WWP1: variants seen among roughly 807,000 people sequenced by gnomAD.
WWP1 encodes NEDD4-like E3 ubiquitin-protein ligase WWP1.
A neutral mutation model predicts 130.6 loss-of-function variants in WWP1; 49 were observed. The ratio of observed to expected loss-of-function variants is 0.38; its 90% CI spans 0.30 to 0.48. The LOEUF (loss-of-function observed/expected upper bound fraction) is 0.48. Ranked by LOEUF, WWP1 falls within the 20% of genes least tolerant of loss-of-function variation. The probability of loss-of-function intolerance (pLI) is 0.99; values close to 1 mark genes in which losing one functional copy is unlikely to be tolerated. For missense variants in WWP1, 809 were observed against 1,100.6 expected, an observed-to-expected ratio of 0.74 and a Z score of 3.75; for synonymous variants, 332 against 367.8, an observed-to-expected ratio of 0.90 and a Z score of 1.11.
intron 5 of WWP1, among the ~76,000 whole-genome samples, chr8:86,388,865 G>T (rs1365668316): frequency 1.3e-5 from 2 of 151,968 alleles, no homozygotes; most frequent in African/African-American, 4.8e-5. Flanking sequence ...GACCTGAGTT[G>T]CTTTTTAATT....
At chr8:86,365,381 T>A (rs1208716689) in intron 1 of WWP1, among the ~76,000 whole-genome samples, 1 of 152,196 alleles carries the variant, frequency 6.6e-6, no homozygotes, top group Non-Finnish European at 1.5e-5. Context: ...TAGATAGGCA[T>A]TTTTAGGCTT....
chr8:86,404,050 C>A lies in WWP1; in HGVS notation c.724+1847C>A, dbSNP rs147074886. 7.4e-4 allele frequency among the ~76,000 whole-genome samples: 112 copies of A among 152,256 alleles called. No individual in the cohort carries two copies. In the East Asian group the frequency reaches 0.021, roughly 28 times the overall value. ...CTAATACAGGTGGAGTGTCTCTAAT[C>A]TGAAAAATCTCAAATCTGAAATGCT... is the stretch of plus-strand genomic sequence containing the variant. On this transcript the variant is annotated intron_variant, in intron 8 of 24. Coordinates refer to ENST00000517970, the MANE Select transcript of WWP1 (RefSeq NM_007013.4).
At chr8:86,429,729 A>T (rs892950811) in intron 11 of WWP1, among the ~76,000 whole-genome samples, 3 of 152,332 alleles carry the variant, frequency 2.0e-5, no homozygotes, top group African/African-American at 7.2e-5. Context: ...ATATTGCCTC[A>T]TTTAAACATC....
chr8:86,463,991 G>C (rs1001857152), intron 24 of WWP1, among the ~76,000 whole-genome samples: 1 of 152,082 alleles, frequency 6.6e-6, no homozygotes, highest in African/African-American at 2.4e-5. Context: ...AGCCGGGGAA[G>C]TCAAGGCTGC....
At chr8:86,446,177 T>G (rs936910127) in intron 18 of WWP1, among the ~76,000 whole-genome samples, 4 of 148,910 alleles carry the variant, frequency 2.7e-5, no homozygotes, top group African/African-American at 9.9e-5. Context: ...AGATGGGGTT[T>G]CACCATGTTG....
In WWP1 at chr8:86,342,700, G is replaced by C. The variant is rs1183862613; in HGVS notation, c.-345G>C. 1 of 314,780 alleles carries C rather than the reference G, an allele frequency of 3.2e-6. No individual in the cohort carries two copies. Among genetic ancestry groups the C allele is most frequent in the Non-Finnish European group, 5.7e-6 (1 of 175,518 alleles). The allele number at this position is 314,780 out of a possible 1,614,324, so 19.5% of individuals were successfully genotyped here. On this transcript the variant is annotated 5_prime_UTR_variant, in exon 1 of 25. Coordinates refer to ENST00000517970, the MANE Select transcript of WWP1 (RefSeq NM_007013.4). ...AGGTGTGGGGTCGGCTGGGGGTGGC[G>C]CGTGGACGGGGTGGGGGTGGGGGGA...
chr8:86,356,941 G>A (rs1296159524), intron 1 of WWP1, among the ~76,000 whole-genome samples: 2 of 152,174 alleles, frequency 1.3e-5, no homozygotes, highest in African/African-American at 4.8e-5. Flanking sequence ...GTTGGCCAAC[G>A]ACTTCGTCTA....
At chr8:86,362,108 T>C (rs1823675155) in intron 1 of WWP1, among the ~76,000 whole-genome samples, 1 of 116,816 alleles carries the variant, frequency 8.6e-6, no homozygotes, top group Non-Finnish European at 1.9e-5. Flanking sequence ...ACACTAGGCA[T>C]ATATATATAC....
rs1812080950 is a variant in WWP1, at chr8:86,465,966, C to A, written c.2670-828C>A. ...GTCAAGGGCACATGGAAAGTGGTGACAGTGGTAAGAAGGCACCTGGATAAT... is the reference window on the plus strand; with the variant it reads ...GTCAAGGGCACATGGAAAGTGGTGAAAGTGGTAAGAAGGCACCTGGATAAT... On this transcript the variant is annotated intron_variant, in intron 24 of 24. Coordinates refer to ENST00000517970, the MANE Select transcript of WWP1 (RefSeq NM_007013.4). Among the ~76,000 whole-genome samples the A allele has an allele frequency of 2.0e-5, 3 of 152,178 alleles. No homozygotes were observed. The South Asian group carries it at 6.2e-4, about 32-fold the overall frequency.
intron 24 of WWP1, among the ~76,000 whole-genome samples, chr8:86,465,875 T>C (rs937435105): frequency 1.1e-4 from 17 of 152,208 alleles, no homozygotes; most frequent in Non-Finnish European, 2.4e-4. Context: ...AATACAGTCT[T>C]AGAACAGCAC....
chr8:86,381,899 T>G (rs936619290), intron 5 of WWP1, among the ~76,000 whole-genome samples: 1 of 152,204 alleles, frequency 6.6e-6, no homozygotes, highest in Non-Finnish European at 1.5e-5. Flanking sequence ...TATTATTATA[T>G]TCTTTAAAAC....
chr8:86,424,678 G>A (rs1226673041), intron 9 of WWP1, among the ~76,000 whole-genome samples: 1 of 151,724 alleles, frequency 6.6e-6, no homozygotes, highest in East Asian at 1.9e-4. Context: ...GGCGGCGCAC[G>A]ACTGCAATCG....
chr8:86,457,447 C>T (rs1811516748), intron 21 of WWP1, among the ~76,000 whole-genome samples: 1 of 151,658 alleles, frequency 6.6e-6, no homozygotes, highest in Admixed American at 6.6e-5. Context: ...ATCTATCTAT[C>T]TATCTATCTA....
intron 1 of WWP1, among the ~76,000 whole-genome samples, chr8:86,364,833 A>AAGAAAGAGAGAGAG (rs1491179112): frequency 4.4e-5 from 5 of 113,742 alleles, no homozygotes; most frequent in African/African-American, 1.6e-4. Context: ...GAAAGAAAGA[A>AAGAAAGAGAGAGAG]AGAGAGAGAG....
intron 3 of WWP1, among the ~76,000 whole-genome samples, chr8:86,380,389 CT>C (rs1387534662): frequency 6.6e-6 from 1 of 151,920 alleles, no homozygotes; most frequent in African/African-American, 2.4e-5. Flanking sequence ...AAGGGGGTGA[CT>C]GCTTAATGGT....
At chr8:86,396,451 G>A (rs749217959) in intron 5 of WWP1, among the ~76,000 whole-genome samples, 1 of 151,606 alleles carries the variant, frequency 6.6e-6, no homozygotes, top group Non-Finnish European at 1.5e-5. Flanking sequence ...AGTTTTTCTA[G>A]TTGTTTGTTT....
chr8:86,398,206 AGTT>A, intron 5 of WWP1, 133 bp from the exon 6 acceptor site: 1 of 903,278 alleles, frequency 1.1e-6, no homozygotes, highest in South Asian at 2.2e-5. Context: ...TTACTTAACT[AGTT>A]GTCAAAGGCA....
At chr8:86,429,359 A>G (rs1474815019) in intron 11 of WWP1, among the ~76,000 whole-genome samples, 1 of 152,222 alleles carries the variant, frequency 6.6e-6, no homozygotes, top group African/African-American at 2.4e-5. Flanking sequence ...CCAACAAAAC[A>G]GGGTTTTGGT....
chr8:86,419,790 A>G (rs573353971), intron 9 of WWP1, among the ~76,000 whole-genome samples: 1 of 152,350 alleles, frequency 6.6e-6, no homozygotes, highest in Admixed American at 6.5e-5. Flanking sequence ...ATTTGTTGTG[A>G]AAATTTTAGT....
Sources: gnomAD v4.1 joint callset for allele counts (sites outside exome capture counted in the v4.1 genomes callset) on GRCh38, gnomAD v4.1.1 for gene constraint, MANE v1.5 for transcripts, NCBI Gene and HGNC (gene_info 2026-07-23, HGNC 2026-07-21) for gene names.